Variants in SEMA3D observed in about 807,000 individuals in gnomAD.
SEMA3D encodes semaphorin-3D.
In SEMA3D, 84 loss-of-function variants were observed where a neutral mutation model predicts 100.1. The observed-to-expected ratio is 0.84, with a 90% CI of 0.70 to 1.01. The LOEUF is 1.01. Among genes scored for constraint, SEMA3D ranks in the 50% least tolerant of loss-of-function variants. The pLI is 0.00. For synonymous variants in SEMA3D, 312 were observed against 320.7 expected (o/e 0.97, Z 0.29); for missense variants, 875 against 934.1 (o/e 0.94, Z 0.82).
intron 1 of SEMA3D, among the ~76,000 whole-genome samples, chr7:85,173,568 C>T (rs1181270828): frequency 6.6e-6 from 1 of 152,006 alleles, no homozygotes; most frequent in African/African-American, 2.4e-5. Context: ...ATGGATGAAA[C>T]TCAGTAGATA....
chr7:85,181,450 A>T (rs1302885540), intron 1 of SEMA3D, among the ~76,000 whole-genome samples: 1 of 152,208 alleles, frequency 6.6e-6, no homozygotes, highest in East Asian at 1.9e-4. Context: ...AGTAACAAAT[A>T]AATAAATTAA....
chr7:85,144,283 T>C (rs768770528), intron 2 of SEMA3D: 111 of 179,262 alleles, frequency 6.2e-4, no homozygotes, highest in Non-Finnish European at 1.0e-3. Context: ...AAAGAGGAGA[T>C]TGAATTTACT....
chr7:85,129,586 G>A (rs986907589), intron 2 of SEMA3D, among the ~76,000 whole-genome samples: 1 of 152,030 alleles, frequency 6.6e-6, no homozygotes, highest in African/African-American at 2.4e-5. Flanking sequence ...AACCACTTAT[G>A]TATAGGAAAT....
At chr7:85,189,329 T>C (rs1791643247), upstream of SEMA3D, among the ~76,000 whole-genome samples, 1 of 152,148 alleles carries the variant, frequency 6.6e-6, no homozygotes, top group South Asian at 2.1e-4. Context: ...ATTTCTGAAT[T>C]TCTAATAACT....
intron 1 of SEMA3D, among the ~76,000 whole-genome samples, chr7:85,180,536 A>G (rs571541880): frequency 6.2e-4 from 95 of 152,346 alleles, no homozygotes; most frequent in African/African-American, 2.2e-3. Context: ...AACATTTAAG[A>G]TAGACTTCAT....
chr7:85,104,505 T>C (rs1244677198), intron 3 of SEMA3D, among the ~76,000 whole-genome samples: 1 of 152,092 alleles, frequency 6.6e-6, no homozygotes, highest in African/African-American at 2.4e-5. Flanking sequence ...AATAATTCTT[T>C]GTATCTCCCT....
intron 18 of SEMA3D, among the ~76,000 whole-genome samples, chr7:85,000,570 A>T (rs1789628719): frequency 6.6e-6 from 1 of 152,176 alleles, no homozygotes; most frequent in African/African-American, 2.4e-5. Flanking sequence ...TTGAATTTTC[A>T]TACTGTATAT....
At chr7:85,179,395 C>A (rs1209845654) in intron 1 of SEMA3D, among the ~76,000 whole-genome samples, 1 of 152,162 alleles carries the variant, frequency 6.6e-6, no homozygotes, top group Non-Finnish European at 1.5e-5. Flanking sequence ...GAGAGCACAC[C>A]TCTTGTATCA....
At chr7:85,210,571 G>T in the SEMA3D span, among the ~76,000 whole-genome samples, 7 of 151,942 alleles carry the variant, frequency 4.6e-5, no homozygotes, top group African/African-American at 1.7e-4. Flanking sequence ...TCTATACTTT[G>T]TCCTACATTA....
At chr7:85,101,443 A>G (rs1291670635) in intron 3 of SEMA3D, among the ~76,000 whole-genome samples, 2 of 152,010 alleles carry the variant, frequency 1.3e-5, no homozygotes, top group East Asian at 1.9e-4. Flanking sequence ...GGTTCAGGCC[A>G]CCAGGGCATT....
At chr7:85,219,350 A>G in the SEMA3D span, among the ~76,000 whole-genome samples, 4 of 152,056 alleles carry the variant, frequency 2.6e-5, no homozygotes, top group African/African-American at 9.7e-5. Flanking sequence ...CCCTTAATGT[A>G]TTACAGCTAT....
chr7:85,002,518 C>T (rs1301240379), intron 18 of SEMA3D, among the ~76,000 whole-genome samples: 1 of 151,294 alleles, frequency 6.6e-6, no homozygotes, highest in Non-Finnish European at 1.5e-5. Flanking sequence ...CTCTGTAATG[C>T]TTTCATTCTT....
chr7:85,126,375 C>CGTGTGTGT (rs34641872), intron 2 of SEMA3D, among the ~76,000 whole-genome samples: 2 of 130,942 alleles, frequency 1.5e-5, no homozygotes, highest in Admixed American at 7.6e-5. Context: ...GATTCTTTCT[C>CGTGTGTGT]GTGTGTGTGT....
chr7:85,210,936 T>C, the SEMA3D span, among the ~76,000 whole-genome samples: 1 of 152,022 alleles, frequency 6.6e-6, no homozygotes, highest in Non-Finnish European at 1.5e-5. Context: ...AAATATACTT[T>C]GAAAGTCTAC....
intron 11 of SEMA3D, among the ~76,000 whole-genome samples, chr7:85,039,033 T>G (rs938125366): frequency 6.6e-6 from 1 of 152,174 alleles, no homozygotes; most frequent in African/African-American, 2.4e-5. Flanking sequence ...TTTTCTTCAG[T>G]ACCAATATCA....
rs568221134 is a variant in SEMA3D at position 85,146,521 on chromosome 7, T to C, written c.-41+7087A>G. On this transcript the variant is annotated intron_variant, in intron 2 of 18. Coordinates refer to ENST00000284136, the MANE Select transcript of SEMA3D (RefSeq NM_001384900.1). ...TTGAGCCAAGATTGGGCCACTGCACTCCAGCCTGGGTGACAGAGTGAGACT... is the reference window on the plus strand; with the variant it reads ...TTGAGCCAAGATTGGGCCACTGCACCCCAGCCTGGGTGACAGAGTGAGACT... Among the ~76,000 whole-genome samples, 180 of 151,688 alleles carry C rather than the reference T, an allele frequency of 1.2e-3. 2 individuals carry two copies. The highest frequency in any genetic ancestry group is 7.1e-3 in the South Asian group (34 of 4,800).
the SEMA3D span, among the ~76,000 whole-genome samples, chr7:85,203,468 T>G: frequency 6.6e-6 from 1 of 152,112 alleles, no homozygotes; most frequent in Non-Finnish European, 1.5e-5. Flanking sequence ...CAGAATAGAG[T>G]ACAGGCTTAA....
At chr7:85,140,255 T>A in intron 2 of SEMA3D, 1 of 873,346 alleles carries the variant, frequency 1.1e-6, no homozygotes, top group Non-Finnish European at 1.4e-6. Context: ...ATTTATTAAA[T>A]AAGACTTCTG....
intron 4 of SEMA3D, among the ~76,000 whole-genome samples, chr7:85,093,716 T>A (rs1788469058): frequency 2.0e-5 from 3 of 151,998 alleles, no homozygotes; most frequent in African/African-American, 7.2e-5. Context: ...AAATTCAAAA[T>A]TTAAAGAAAC....
Sources: allele counts gnomAD v4.1 joint callset (sites outside exome capture counted in the v4.1 genomes callset), GRCh38; gene constraint gnomAD v4.1.1; transcripts MANE v1.5; gene names NCBI Gene and HGNC (gene_info 2026-07-23, HGNC 2026-07-21).